The following BACE2 variants were observed in gnomAD, a reference collection of about 807,000 sequenced individuals.
BACE2 encodes beta-secretase 2.
In BACE2, 17 loss-of-function variants were observed where a neutral mutation model predicts 46.2. That is an observed-to-expected ratio of 0.37 (90% confidence interval 0.25 to 0.55). The LOEUF is 0.55. Ranked by LOEUF, BACE2 falls within the 20% of genes least tolerant of loss-of-function variation. The probability of loss-of-function intolerance (pLI) is 0.82; values close to 1 mark genes in which losing one functional copy is unlikely to be tolerated. For synonymous variants in BACE2, 277 were observed against 295.9 expected (o/e 0.94, Z 0.66); for missense variants, 595 against 698.1 (o/e 0.85, Z 1.66).
intron 6 of BACE2, among the ~76,000 whole-genome samples, chr21:41,249,627 C>G (rs567062340): frequency 1.3e-5 from 2 of 152,208 alleles, no homozygotes; most frequent in Non-Finnish European, 2.9e-5. Context: ...CACACACCTC[C>G]CCAGCGCCTG....
intron 1 of BACE2, chr21:41,180,814 G>A (rs1385307259): frequency 1.8e-5 from 3 of 167,090 alleles, no homozygotes; most frequent in Non-Finnish European, 4.4e-5. Flanking sequence ...TGTGCAGCAG[G>A]TTTTATTAAT....
At chr21:41,170,812 A>G (rs1378314197) in intron 1 of BACE2, among the ~76,000 whole-genome samples, 2 of 152,248 alleles carry the variant, frequency 1.3e-5, no homozygotes, top group Non-Finnish European at 2.9e-5. Flanking sequence ...AGAATTAAGT[A>G]ATAGTCATAG....
At chr21:41,190,850 G>A (rs116173126) in intron 1 of BACE2, among the ~76,000 whole-genome samples, 2,063 of 152,242 alleles carry the variant, frequency 0.014, 58 homozygotes, top group African/African-American at 0.046. Flanking sequence ...CAATCACCCC[G>A]GCCAACTGTA....
chr21:41,223,096 G>A (rs987904510), intron 1 of BACE2, among the ~76,000 whole-genome samples: 3 of 152,188 alleles, frequency 2.0e-5, no homozygotes, highest in African/African-American at 7.2e-5. Context: ...GCTCATGCCT[G>A]TAATCCCAGC....
rs1157771245 is a variant in BACE2 at position 41,246,060 on chromosome 21, T to C, written c.981T>C (p.Ser327=). 1 of 1,599,380 alleles carries C rather than the reference T, an allele frequency of 6.3e-7. No individual in the cohort carries two copies. Among genetic ancestry groups the C allele is most frequent in the Non-Finnish European group, 8.5e-7 (1 of 1,172,596 alleles). The change falls in exon 6 of 9, where the codon TCT becomes TCC. Residue 327 remains serine, a synonymous_variant. Coordinates refer to ENST00000330333, the MANE Select transcript of BACE2 (RefSeq NM_012105.5). The part of the protein sequence containing the change: ...DAVVEAVARA[S]LIPEFSDGFW... The stretch of plus-strand genomic sequence containing the variant: ...TGGTGGAAGCTGTGGCCCGCGCATC[T>C]CTGGTGAGTCCTCGGGACACTCACG...
At chr21:41,171,300 G>A (rs1984600565) in intron 1 of BACE2, among the ~76,000 whole-genome samples, 1 of 152,242 alleles carries the variant, frequency 6.6e-6, no homozygotes. Context: ...GCCTTGAGAG[G>A]AGAGGTTCAA....
Position 41,275,653 on chromosome 21 carries a change from G to T in BACE2, c.*29G>T. 6.2e-7 allele frequency: 1 copy of T among 1,607,958 alleles called. No homozygotes were observed. The highest frequency in any genetic ancestry group is 8.5e-7 in the Non-Finnish European group (1 of 1,175,912). On this transcript the variant is annotated 3_prime_UTR_variant, in exon 9 of 9. Transcript: ENST00000330333. ...GCCAGGCCTGACCTCAAGCAACCATGAACTCAGCTATTAAGAAAATCACAT... is the reference window on the plus strand; with the variant it reads ...GCCAGGCCTGACCTCAAGCAACCATTAACTCAGCTATTAAGAAAATCACAT...
At chr21:41,244,792 G>A (rs1025127116) in intron 5 of BACE2, among the ~76,000 whole-genome samples, 7 of 152,152 alleles carry the variant, frequency 4.6e-5, no homozygotes, top group Non-Finnish European at 8.8e-5. Flanking sequence ...ATTGTCAAGA[G>A]GCACTTATTT....
chr21:41,218,341 C>A (rs956514067), intron 1 of BACE2, among the ~76,000 whole-genome samples: 3 of 152,132 alleles, frequency 2.0e-5, no homozygotes, highest in African/African-American at 7.2e-5. Context: ...AAAAATATGA[C>A]CCAAATGCAC....
In BACE2 at chr21:41,275,695, G is replaced by C; in HGVS notation, c.*71G>C. The C allele has an allele frequency of 5.8e-6, 9 of 1,562,854 alleles. No homozygotes were observed. The highest frequency in any genetic ancestry group is 6.9e-6 in the Non-Finnish European group (8 of 1,154,164). On this transcript the variant is annotated 3_prime_UTR_variant, in exon 9 of 9. Transcript: ENST00000330333. ...AAATCACATTTCCAGGGCAGCAGCC[G>C]GGATCGATGGTGGCGCTTTCTCCTG...
chr21:41,168,408 C>G lies in BACE2; in HGVS notation c.145C>G (p.Pro49Ala). The change falls in exon 1 of 9, where the codon CCC becomes GCC. Residue 49 changes from proline to alanine, a missense_variant. Physicochemically the swap from Pro to Ala is conservative, Grantham distance 27 (BLOSUM62 -1). Transcript: ENST00000330333. ...CCGCGTAGTTGCGCCCACCCCGGGA[C>G]CCGGGACCCCTGCCGAGCGCCACGC... ...TNRVVAPTPG[P>A]GTPAERHADG... 7.1e-7 allele frequency: 1 copy of G among 1,414,858 alleles called. No individual in the cohort carries two copies. The highest frequency in any genetic ancestry group is 9.2e-7 in the Non-Finnish European group (1 of 1,081,500). 87.6% of individuals were successfully genotyped at this position (1,414,858 alleles called of 1,614,324 possible).
chr21:41,264,396 A>G (rs977056185), intron 8 of BACE2, among the ~76,000 whole-genome samples: 3 of 152,060 alleles, frequency 2.0e-5, no homozygotes, highest in African/African-American at 7.2e-5. Flanking sequence ...CAGCCTGGGC[A>G]ACTGTGTTAG....
At chr21:41,225,302 A>G (rs1986780833) in intron 1 of BACE2, among the ~76,000 whole-genome samples, 1 of 152,166 alleles carries the variant, frequency 6.6e-6, no homozygotes, top group African/African-American at 2.4e-5. Flanking sequence ...CCCAAGAGAA[A>G]TGAGAATATA....
At position 41,278,069 on chromosome 21, in the gene BACE2, G is replaced by T. The variant is rs2088509618; in HGVS notation, c.*2445G>T. 1 of 152,186 alleles carries T rather than the reference G, an allele frequency of 6.6e-6. No homozygotes were observed. Among genetic ancestry groups the T allele is most frequent in the Admixed American group, 6.5e-5 (1 of 15,286 alleles). The allele number at this position is 152,186 out of a possible 1,614,324, so 9.4% of individuals were successfully genotyped here. On this transcript the variant is annotated 3_prime_UTR_variant, in exon 9 of 9. Coordinates refer to ENST00000330333, the MANE Select transcript of BACE2 (RefSeq NM_012105.5). ...CTTAGCTTGGCAAGCTTTCAAGGAG[G>T]TTTGCTTGGAACAGGAAAGGAATTA... is the stretch of plus-strand genomic sequence containing the variant.
At chr21:41,221,252 C>T (rs1986637029) in intron 1 of BACE2, among the ~76,000 whole-genome samples, 1 of 152,182 alleles carries the variant, frequency 6.6e-6, no homozygotes, top group South Asian at 2.1e-4. Context: ...AGCACTGCCC[C>T]TGGCAGATGC....
chr21:41,200,430 T>C (rs960323766), intron 1 of BACE2, among the ~76,000 whole-genome samples: 4 of 152,208 alleles, frequency 2.6e-5, no homozygotes, highest in Non-Finnish European at 4.4e-5. Flanking sequence ...TGGACTCCGC[T>C]GTCTTCATTG....
chr21:41,177,343 G>A (rs1479286897), intron 1 of BACE2: 1 of 152,266 alleles, frequency 6.6e-6, no homozygotes, highest in African/African-American at 2.4e-5. Context: ...GAAGGGGAGA[G>A]GATCGAACCT....
Position 41,216,995 on chromosome 21 carries a change from G to A in BACE2, c.313-9271G>A, listed in dbSNP as rs1215721685. Among the ~76,000 whole-genome samples, 6 of 152,130 alleles carry A rather than the reference G, an allele frequency of 3.9e-5. No homozygotes were observed. The South Asian group carries it at 1.2e-3, about 32-fold the overall frequency. On this transcript the variant is annotated intron_variant, in intron 1 of 8. Transcript: ENST00000330333. ...CACCCAGGCTGGAGCGCAGTGGTGC[G>A]ATCTTGGCTTACTGCAACTTCTGCC...
At chr21:41,212,747 A>G (rs1986338521) in intron 1 of BACE2, among the ~76,000 whole-genome samples, 2 of 152,220 alleles carry the variant, frequency 1.3e-5, no homozygotes, top group African/African-American at 4.8e-5. Flanking sequence ...TGACTTGGAC[A>G]CTAGATAATC....
Sources: gnomAD v4.1 joint callset for allele counts (sites outside exome capture counted in the v4.1 genomes callset) on GRCh38, gnomAD v4.1.1 for gene constraint, MANE v1.5 for transcripts, NCBI Gene and HGNC (gene_info 2026-07-23, HGNC 2026-07-21) for gene names.